MEGF11: variants seen among roughly 807,000 people sequenced by gnomAD.
The protein encoded by MEGF11 is multiple EGF like domains 11, also known as multiple epidermal growth factor-like domains protein 11.
A neutral mutation model predicts 146.6 loss-of-function variants in MEGF11; 126 were observed. The observed-to-expected ratio is 0.86, with a 90% CI of 0.74 to 1.00. MEGF11 has a LOEUF of 1.00. Ranked by LOEUF, MEGF11 falls within the 50% of genes least tolerant of loss-of-function variation. MEGF11 has a pLI of 0.00. For synonymous variants in MEGF11, 532 were observed against 583.4 expected, an observed-to-expected ratio of 0.91 and a Z score of 1.27; for missense variants, 1,509 against 1,521.2, an observed-to-expected ratio of 0.99 and a Z score of 0.13.
intron 1 of MEGF11, among the ~76,000 whole-genome samples, chr15:66,199,314 A>T (rs10400920): frequency 0.53 from 80,709 of 151,986 alleles, 22,309 homozygotes; most frequent in African/African-American, 0.68. Flanking sequence ...TAGATGCCAT[A>T]GCTGAAAATC....
chr15:66,129,586 G>C (rs1366049190), intron 1 of MEGF11, among the ~76,000 whole-genome samples: 1 of 152,196 alleles, frequency 6.6e-6, no homozygotes, highest in East Asian at 1.9e-4. Flanking sequence ...TCACAGGCTT[G>C]AAATGGTTGG....
intron 1 of MEGF11, among the ~76,000 whole-genome samples, chr15:66,154,508 T>C (rs757139340): frequency 3.3e-5 from 5 of 152,148 alleles, no homozygotes; most frequent in African/African-American, 1.2e-4. Context: ...TTATAAATAA[T>C]CCAGGGATTT....
Position 66,183,683 on chromosome 15 carries a change from C to T in MEGF11, c.-8-55272G>A, listed in dbSNP as rs144309930. Among the ~76,000 whole-genome samples, 337 of 152,272 alleles carry T rather than the reference C, an allele frequency of 2.2e-3. 3 individuals are homozygous for T. The highest frequency in any genetic ancestry group is 0.012 in the South Asian group (58 of 4,814). On this transcript the variant is annotated intron_variant, in intron 1 of 25. Transcript: ENST00000395614. ...CACAGACAAGGAAAGAATGTGAGGT[C>T]CAGAGAGCTTAGGACAGGGCTTCTC...
At chr15:66,140,481 T>G (rs1180216783) in intron 1 of MEGF11, among the ~76,000 whole-genome samples, 1 of 152,158 alleles carries the variant, frequency 6.6e-6, no homozygotes, top group Admixed American at 6.5e-5. Context: ...CCTGGGCCCA[T>G]GAGGTACTAA....
intron 1 of MEGF11, among the ~76,000 whole-genome samples, chr15:66,250,415 A>G (rs2086034): frequency 0.36 from 54,085 of 152,006 alleles, 10,207 homozygotes; most frequent in African/African-American, 0.48. Context: ...TCTACGACTA[A>G]ACTTTAAGCC....
intron 13 of MEGF11, among the ~76,000 whole-genome samples, chr15:65,924,818 G>A (rs1348550052): frequency 3.3e-5 from 5 of 151,952 alleles, no homozygotes; most frequent in Admixed American, 6.6e-5. Context: ...TAGTAGAGAC[G>A]GGGTTCCTCC....
Position 65,906,095 on chromosome 15 carries a change from T to C in MEGF11, c.3045A>G (p.Lys1015=). 6.2e-7 allele frequency: 1 copy of C among 1,610,654 alleles called. No individual in the cohort carries two copies. The highest frequency in any genetic ancestry group is 8.5e-7 in the Non-Finnish European group (1 of 1,178,212). The stretch of plus-strand genomic sequence containing the variant: ...GATTGGATACTCTACCTTTGAAGCC[T>C]TTGTCCATAATGTATGTGTTCTGAC... ...DRRQNTYIMD[K]GFKDYMKESV... The change falls in exon 24 of 26, where the codon AAA becomes AAG. Residue 1015 remains lysine (K), a synonymous_variant. Coordinates refer to ENST00000395614, the MANE Select transcript of MEGF11 (RefSeq NM_001385028.1).
At chr15:66,135,389 T>C (rs767846350) in intron 1 of MEGF11, among the ~76,000 whole-genome samples, 2 of 152,248 alleles carry the variant, frequency 1.3e-5, no homozygotes, top group African/African-American at 2.4e-5. Context: ...GCAAACATTA[T>C]TGAATGCTCA....
chr15:65,942,522 A>G (rs2080032128), intron 10 of MEGF11, among the ~76,000 whole-genome samples: 1 of 151,960 alleles, frequency 6.6e-6, no homozygotes, highest in African/African-American at 2.4e-5. Flanking sequence ...AGCTGGTTTG[A>G]TGATGATGAT....
At chr15:66,243,868 C>A (rs573266235) in intron 1 of MEGF11, among the ~76,000 whole-genome samples, 18 of 152,118 alleles carry the variant, frequency 1.2e-4, no homozygotes, top group Non-Finnish European at 1.9e-4. Context: ...CCTGCAGAAT[C>A]AATTCCAGAA....
intron 5 of MEGF11, among the ~76,000 whole-genome samples, chr15:66,011,079 T>G (rs2082697164): frequency 6.6e-6 from 1 of 152,134 alleles, no homozygotes; most frequent in South Asian, 2.1e-4. Context: ...GTGGTGACCA[T>G]CCCAGAGCTG....
intron 3 of MEGF11, among the ~76,000 whole-genome samples, chr15:66,123,443 T>G (rs986840586): frequency 5.9e-5 from 9 of 152,162 alleles, no homozygotes; most frequent in African/African-American, 2.2e-4. Context: ...AACAAGTAGT[T>G]TATTTTGGAG....
chr15:66,137,370 CTTA>C (rs2088933945), intron 1 of MEGF11, among the ~76,000 whole-genome samples: 1 of 152,106 alleles, frequency 6.6e-6, no homozygotes, highest in South Asian at 2.1e-4. Flanking sequence ...ACCCTAAAGT[CTTA>C]TTATGTGAAA....
chr15:66,041,462 T>A (rs1035658744), intron 5 of MEGF11, among the ~76,000 whole-genome samples: 3 of 152,246 alleles, frequency 2.0e-5, no homozygotes, highest in Non-Finnish European at 2.9e-5. Context: ...CCACAACAAC[T>A]GCCCCCATGC....
rs868215831 is a variant in MEGF11, at chr15:66,067,958, G to A, written c.394+26444C>T. On this transcript the variant is annotated intron_variant, in intron 5 of 25. Coordinates refer to ENST00000395614, the MANE Select transcript of MEGF11 (RefSeq NM_001385028.1). ...GCATGGGTTCTGGAGTAAAAATGAC[G>A]ATGCCACCACTTACTAGCTGTGTGG... is the stretch of plus-strand genomic sequence containing the variant. Among the ~76,000 whole-genome samples, 13 of 152,288 alleles carry A rather than the reference G, an allele frequency of 8.5e-5. No individual in the cohort carries two copies. In the South Asian group the frequency reaches 1.5e-3, roughly 17 times the overall value.
rs758033120 is a variant in MEGF11, at chr15:65,922,937, G to A, written c.1708C>T (p.Arg570Cys). The change falls in exon 14 of 26, where the codon CGC becomes TGC. Residue 570 changes from arginine (R) to cysteine (C), a missense_variant. Arg to Cys is a radical substitution (Grantham distance 180). Transcript: ENST00000395614. ...GAGACAGAGCAGTTGGGGCCCCAGC[G>A]GCCAGGTGGACACGTGCTGTCACAG... is the stretch of plus-strand genomic sequence containing the variant. ...IRCDSTCPPGRWGPNCSVSCS... is the reference protein window; with the variant it reads ...IRCDSTCPPGCWGPNCSVSCS... 7 of 1,613,132 alleles carry A rather than the reference G, an allele frequency of 4.3e-6. No homozygotes were observed. The highest frequency in any genetic ancestry group is 1.1e-5 in the South Asian group (1 of 90,970).
At chr15:66,155,619 G>A (rs1046920695) in intron 1 of MEGF11, among the ~76,000 whole-genome samples, 15 of 152,168 alleles carry the variant, frequency 9.9e-5, no homozygotes, top group Admixed American at 8.5e-4. Flanking sequence ...AAGTCTAATA[G>A]AAACCTCGAT....
chr15:66,039,529 TACAG>T (rs1196378586), intron 5 of MEGF11, among the ~76,000 whole-genome samples: 1 of 152,216 alleles, frequency 6.6e-6, no homozygotes, highest in Non-Finnish European at 1.5e-5. Context: ...CTCCCTACTT[TACAG>T]ACAGAGAAAC....
Position 65,982,294 on chromosome 15 carries a change from A to C in MEGF11, c.589T>G (p.Cys197Gly). 1 of 1,539,134 alleles carries C rather than the reference A, an allele frequency of 6.5e-7. No homozygotes were observed. The highest frequency in any genetic ancestry group is 8.7e-7 in the Non-Finnish European group (1 of 1,145,246). ...LPCQCRHGASCDPRAGECLCA... is the reference protein window; with the variant it reads ...LPCQCRHGASGDPRAGECLCA... Reference sequence around the variant, plus strand: ...AGGCACTCGCCGGCGCGGGGGTCGCAGCTGGCACCGTGTCGGCACTGGCAC... The same window carrying C: ...AGGCACTCGCCGGCGCGGGGGTCGCCGCTGGCACCGTGTCGGCACTGGCAC... The change falls in exon 6 of 26, where the codon TGC (cysteine) becomes GGC (glycine). Residue 197 changes from cysteine (C) to glycine (G), a missense_variant. Coordinates refer to ENST00000395614, the MANE Select transcript of MEGF11 (RefSeq NM_001385028.1). The surrounding 1 kb of genome is among the most constrained non-coding windows in gnomAD (Gnocchi z 5.6).
Sources: allele counts gnomAD v4.1 joint callset (sites outside exome capture counted in the v4.1 genomes callset), GRCh38; gene constraint gnomAD v4.1.1; non-coding constraint Gnocchi (gnomAD v3.1); transcripts MANE v1.5; gene names NCBI Gene and HGNC (gene_info 2026-07-23, HGNC 2026-07-21).